The following TNS3 variants were observed in gnomAD, a reference collection of about 807,000 sequenced individuals.
TNS3 encodes tensin 3.
Under a neutral mutation model 140.9 loss-of-function variants are expected in TNS3, and 45 were observed. That is an observed-to-expected ratio of 0.32 (90% CI 0.25 to 0.41). The LOEUF (loss-of-function observed/expected upper bound fraction) is 0.41. TNS3 is among the 10% of genes least tolerant of loss of function. The probability of loss-of-function intolerance (pLI) is 1.00; values close to 1 mark genes in which losing one functional copy is unlikely to be tolerated. For synonymous variants in TNS3, 815 were observed against 788.4 expected, an observed-to-expected ratio of 1.03 and a Z score of -0.56; for missense variants, 1,716 against 1,906.7, an observed-to-expected ratio of 0.90 and a Z score of 1.86.
At chr7:47,423,083 A>G (rs1164690988) in intron 10 of TNS3, among the ~76,000 whole-genome samples, 1 of 152,178 alleles carries the variant, frequency 6.6e-6, no homozygotes, top group Non-Finnish European at 1.5e-5. Flanking sequence ...GCCTCTGGTG[A>G]TGCTTGAAAT....
chr7:47,574,957 G>T (rs1012851246), intron 1 of TNS3, among the ~76,000 whole-genome samples: 12 of 152,120 alleles, frequency 7.9e-5, no homozygotes, highest in African/African-American at 2.9e-4. Context: ...TGCACAACGT[G>T]AAGGTTCTTA....
At chr7:47,316,118 CT>C in intron 20 of TNS3, among the ~76,000 whole-genome samples, 1 of 148,804 alleles carries the variant, frequency 6.7e-6, no homozygotes, top group Non-Finnish European at 1.5e-5. Context: ...CTCTCTCTCT[CT>C]CTCTCTCTCT....
At chr7:47,343,657 TG>T (rs932600256) in intron 20 of TNS3, among the ~76,000 whole-genome samples, 1 of 152,242 alleles carries the variant, frequency 6.6e-6, no homozygotes, top group African/African-American at 2.4e-5. Flanking sequence ...AACAGATGCA[TG>T]GCTACCTATG....
intron 15 of TNS3, among the ~76,000 whole-genome samples, chr7:47,399,465 G>A (rs1047705465): frequency 1.3e-5 from 2 of 152,126 alleles, no homozygotes; most frequent in Non-Finnish European, 2.9e-5. Flanking sequence ...AAACATCATG[G>A]TATAAAAGTA....
At chr7:47,563,902 TA>T (rs1800367758) in intron 1 of TNS3, among the ~76,000 whole-genome samples, 1 of 152,052 alleles carries the variant, frequency 6.6e-6, no homozygotes, top group Non-Finnish European at 1.5e-5. Context: ...TACATATGAT[TA>T]ACATTTAAGG....
At chr7:47,285,801 A>G (rs1785388890) in intron 27 of TNS3, among the ~76,000 whole-genome samples, 1 of 152,220 alleles carries the variant, frequency 6.6e-6, no homozygotes, top group African/African-American at 2.4e-5. Context: ...TTACAGTGGG[A>G]AAAACCAGAA....
intron 3 of TNS3, among the ~76,000 whole-genome samples, chr7:47,490,584 G>T (rs188193471): frequency 6.6e-6 from 1 of 152,248 alleles, no homozygotes; most frequent in Non-Finnish European, 1.5e-5. Context: ...GACAGCTGCA[G>T]TTGCCGCCTT....
At chr7:47,572,568 G>C (rs1449768893) in intron 1 of TNS3, among the ~76,000 whole-genome samples, 1 of 152,070 alleles carries the variant, frequency 6.6e-6, no homozygotes, top group Non-Finnish European at 1.5e-5. Context: ...ATGGAGGTGG[G>C]GGTGGGGAGT....
intron 13 of TNS3, among the ~76,000 whole-genome samples, chr7:47,404,164 C>A (rs1301589866): frequency 3.9e-5 from 6 of 152,226 alleles, no homozygotes; most frequent in African/African-American, 1.4e-4. Context: ...GCAAGCACCA[C>A]AACAAAGGCT....
rs774726583 is a variant in TNS3 at position 47,340,585 on chromosome 7, C to CTTTTTT, written c.2650+4164_2650+4169dup. ...TGTTCCCTGGGATTTTCTTTTTTTT[C>CTTTTTT]TTTTTTTTTTTTTTGAGACAGAGTC... On this transcript the variant is annotated intron_variant, in intron 20 of 30. Coordinates refer to ENST00000311160, the MANE Select transcript of TNS3 (RefSeq NM_022748.12). Among the ~76,000 whole-genome samples the CTTTTTT allele has an allele frequency of 3.1e-4, 42 of 134,866 alleles. 1 individual carries two copies. The highest frequency in any genetic ancestry group is 9.7e-4 in the African/African-American group (35 of 36,184). 88.5% of individuals were successfully genotyped at this position (134,866 alleles called of 152,430 possible).
rs911164497 is a variant in TNS3, at chr7:47,332,530, C to T, written c.2650+12225G>A. On this transcript the variant is annotated intron_variant, in intron 20 of 30. Transcript: ENST00000311160. Reference sequence around the variant, plus strand: ...GGCTGCTTCAGAAGGGACCCCAGCCCGCGAGCTGCCCCAGGGCCAGGACCG... The same window carrying T: ...GGCTGCTTCAGAAGGGACCCCAGCCTGCGAGCTGCCCCAGGGCCAGGACCG... 6.6e-5 allele frequency among the ~76,000 whole-genome samples: 10 copies of T among 152,326 alleles called. No individual in the cohort carries two copies. The East Asian group carries it at 9.7e-4, about 15-fold the overall frequency.
intron 4 of TNS3, among the ~76,000 whole-genome samples, chr7:47,456,252 G>C (rs928265053): frequency 6.6e-6 from 1 of 152,138 alleles, no homozygotes; most frequent in African/African-American, 2.4e-5. Flanking sequence ...GGAGCCCAGG[G>C]TGCACTTCCC....
chr7:47,524,838 G>T (rs1483140767), intron 2 of TNS3, among the ~76,000 whole-genome samples: 4 of 113,854 alleles, frequency 3.5e-5, no homozygotes, highest in African/African-American at 1.5e-4. Flanking sequence ...AAAAAAAAAG[G>T]CAATGGGAGC....
chr7:47,452,791 G>T, intron 4 of TNS3: 1 of 404,784 alleles, frequency 2.5e-6, no homozygotes, highest in Non-Finnish European at 3.3e-6. Context: ...GCATTGAAGT[G>T]AAAGGGGAAA....
At chr7:47,461,126 G>C (rs1448566243) in intron 4 of TNS3, among the ~76,000 whole-genome samples, 1 of 152,118 alleles carries the variant, frequency 6.6e-6, no homozygotes, top group Admixed American at 6.5e-5. Context: ...TGAGATGAGG[G>C]GACACAGGCA....
intron 10 of TNS3, among the ~76,000 whole-genome samples, chr7:47,421,371 G>A (rs1794362636): frequency 6.6e-6 from 1 of 151,980 alleles, no homozygotes; most frequent in Admixed American, 6.6e-5. Context: ...GGGCTCAAGG[G>A]ATCCTCCCAC....
intron 28 of TNS3, among the ~76,000 whole-genome samples, chr7:47,281,550 C>T (rs576334296): frequency 6.6e-6 from 1 of 152,236 alleles, no homozygotes; most frequent in South Asian, 2.1e-4. Flanking sequence ...CTGCAGCCAC[C>T]TGCAGCCCCT....
At chr7:47,364,845 G>A (rs1790600768) in intron 17 of TNS3, among the ~76,000 whole-genome samples, 1 of 152,196 alleles carries the variant, frequency 6.6e-6, no homozygotes, top group Non-Finnish European at 1.5e-5. Flanking sequence ...ATGTGTGGCA[G>A]GGTTCCTACA....
At chr7:47,570,114 C>T (rs769941740) in intron 1 of TNS3, among the ~76,000 whole-genome samples, 45 of 152,254 alleles carry the variant, frequency 3.0e-4, no homozygotes, top group Admixed American at 6.5e-5. Context: ...CACTCCATTG[C>T]ACTCCAGCCT....
Sources: allele counts gnomAD v4.1 joint callset (sites outside exome capture counted in the v4.1 genomes callset), GRCh38; gene constraint gnomAD v4.1.1; transcripts MANE v1.5; gene names NCBI Gene and HGNC (gene_info 2026-07-23, HGNC 2026-07-21).